The following VAMP7 variants were observed in gnomAD, a reference collection of about 807,000 sequenced individuals.
VAMP7 encodes vesicle-associated membrane protein 7.
In VAMP7, 14 loss-of-function variants were observed where a neutral mutation model predicts 29.6. The ratio of observed to expected loss-of-function variants is 0.47; its 90% confidence interval spans 0.31 to 0.74. The LOEUF (loss-of-function observed/expected upper bound fraction) is 0.74, where lower values mean the gene tolerates loss of function less well. VAMP7 is among the 30% of genes least tolerant of loss of function. VAMP7 has a pLI of 0.05. For missense variants in VAMP7, 223 were observed against 262.4 expected (o/e 0.85, Z 1.04); for synonymous variants, 95 against 88.1 (o/e 1.08, Z -0.44).
At chrX:155,925,088 G>A (rs973537228) in intron 6 of VAMP7, among the ~76,000 whole-genome samples, 1 of 152,124 alleles carries the variant, frequency 6.6e-6, no homozygotes, top group African/African-American at 2.4e-5. Flanking sequence ...TCTAATTCTA[G>A]TTCTCTTCTA....
intron 6 of VAMP7, among the ~76,000 whole-genome samples, chrX:155,933,497 GT>G: frequency 6.6e-6 from 1 of 152,314 alleles, no homozygotes; most frequent in East Asian, 1.9e-4. Flanking sequence ...GTGTAGAGGT[GT>G]TTGTAGTATT....
chrX:155,882,534 TG>T (rs1440305461), intron 1 of VAMP7, among the ~76,000 whole-genome samples: 1 of 152,122 alleles, frequency 6.6e-6, no homozygotes. Context: ...GTCTAAGCAG[TG>T]TTTATTCTTC....
intron 6 of VAMP7, among the ~76,000 whole-genome samples, chrX:155,930,947 GAGA>G (rs1330520361): frequency 1.3e-5 from 2 of 152,036 alleles, no homozygotes; most frequent in Non-Finnish European, 1.5e-5. Context: ...ACCTATGAGT[GAGA>G]ACATGTGGTG....
chrX:155,890,486 G>T (rs2065914378), intron 2 of VAMP7, among the ~76,000 whole-genome samples: 1 of 152,080 alleles, frequency 6.6e-6, no homozygotes, highest in African/African-American at 2.4e-5. Context: ...TTAGCCTCCT[G>T]AGTAGCTGGG....
intron 5 of VAMP7, among the ~76,000 whole-genome samples, chrX:155,914,595 CCTTTTCTG>C: frequency 6.6e-6 from 1 of 152,172 alleles, no homozygotes; most frequent in Non-Finnish European, 1.5e-5. Flanking sequence ...TTATCGAAGG[CCTTTTCTG>C]CATCTATTGA....
intron 1 of VAMP7, among the ~76,000 whole-genome samples, chrX:155,882,885 A>T (rs1312048515): frequency 6.6e-6 from 1 of 152,204 alleles, no homozygotes; most frequent in Non-Finnish European, 1.5e-5. Flanking sequence ...TCTTCCAAGG[A>T]GAAATAATCC....
intron 5 of VAMP7, among the ~76,000 whole-genome samples, chrX:155,918,039 A>G (rs1481115722): frequency 6.6e-6 from 1 of 152,124 alleles, no homozygotes; most frequent in Non-Finnish European, 1.5e-5. Context: ...CAGTCTGGCT[A>G]CAGGGACTTT....
intron 5 of VAMP7, among the ~76,000 whole-genome samples, chrX:155,911,993 T>C (rs1043678359): frequency 2.0e-5 from 3 of 152,142 alleles, no homozygotes; most frequent in African/African-American, 7.2e-5. Flanking sequence ...TCCAGTATTG[T>C]GTTGAATAGG....
At chrX:155,934,656 T>G (rs1157826930) in intron 6 of VAMP7, among the ~76,000 whole-genome samples, 4 of 152,204 alleles carry the variant, frequency 2.6e-5, no homozygotes, top group Non-Finnish European at 4.4e-5. Context: ...CTTTATCTAA[T>G]TTGCCAGTCT....
chrX:155,881,882 C>T (rs1173469381), intron 1 of VAMP7, among the ~76,000 whole-genome samples: 2 of 152,168 alleles, frequency 1.3e-5, no homozygotes, highest in Non-Finnish European at 2.9e-5. Flanking sequence ...CGCCCTTCCT[C>T]CACTGCTCAG....
chrX:155,886,102 C>G (rs1240761049), intron 1 of VAMP7, among the ~76,000 whole-genome samples: 1 of 152,052 alleles, frequency 6.6e-6, no homozygotes, highest in Admixed American at 6.6e-5. Flanking sequence ...CCTTCTCTCT[C>G]TGGCTTATCT....
At position 155,889,622 on chromosome X, in the gene VAMP7, G is replaced by T. The variant is rs1344880966; in HGVS notation, c.146+10G>T. ...CGTACTCACATGGCAAGTGAGTTCT[G>T]TTCTGCATGTGGTAAGGGATGAAAG... On this transcript the variant is annotated intron_variant, in intron 2 of 7. Coordinates refer to ENST00000286448, the MANE Select transcript of VAMP7 (RefSeq NM_005638.6). 1.2e-6 allele frequency: 2 copies of T among 1,613,366 alleles called. No homozygotes were observed. Among genetic ancestry groups the T allele is most frequent in the African/African-American group, 2.7e-5 (2 of 74,890 alleles).
intron 6 of VAMP7, among the ~76,000 whole-genome samples, chrX:155,930,122 G>A (rs2066526667): frequency 6.6e-6 from 1 of 152,134 alleles, no homozygotes; most frequent in Non-Finnish European, 1.5e-5. Flanking sequence ...AATGTGCAGA[G>A]CATTGCCTAA....
chrX:155,921,256 A>T (rs928318457), intron 6 of VAMP7, among the ~76,000 whole-genome samples: 1 of 152,204 alleles, frequency 6.6e-6, no homozygotes, highest in Non-Finnish European at 1.5e-5. Context: ...GTAGAATAAC[A>T]TACGTGCAGC....
intron 1 of VAMP7, among the ~76,000 whole-genome samples, chrX:155,887,097 T>C (rs756902742): frequency 6.6e-6 from 1 of 152,344 alleles, no homozygotes; most frequent in African/African-American, 2.4e-5. Context: ...GTCTTCATTC[T>C]CTTTCTTTCC....
At chrX:155,896,219 T>G (rs1309235218) in intron 3 of VAMP7, among the ~76,000 whole-genome samples, 3 of 152,214 alleles carry the variant, frequency 2.0e-5, no homozygotes, top group African/African-American at 7.2e-5. Flanking sequence ...CAACTCAATT[T>G]TGGTAGAGTT....
At chrX:155,897,372 A>AT (rs2066001159) in intron 3 of VAMP7, among the ~76,000 whole-genome samples, 1 of 152,102 alleles carries the variant, frequency 6.6e-6, no homozygotes, top group African/African-American at 2.4e-5. Context: ...CATCACAATG[A>AT]TTTTTATCTC....
chrX:155,941,040 G>T (rs2066736108), intron 7 of VAMP7, among the ~76,000 whole-genome samples: 1 of 152,102 alleles, frequency 6.6e-6, no homozygotes, highest in African/African-American at 2.4e-5. Context: ...GCCAGGCATA[G>T]GGGCTTATGC....
At chrX:155,885,352 A>AT (rs1209533836) in intron 1 of VAMP7, among the ~76,000 whole-genome samples, 3 of 152,154 alleles carry the variant, frequency 2.0e-5, no homozygotes, top group Non-Finnish European at 4.4e-5. Flanking sequence ...AAGTTGGGTG[A>AT]TATGAGTATC....
Sources: allele counts gnomAD v4.1 joint callset (sites outside exome capture counted in the v4.1 genomes callset), GRCh38; gene constraint gnomAD v4.1.1; transcripts MANE v1.5; gene names NCBI Gene and HGNC (gene_info 2026-07-23, HGNC 2026-07-21).